Variants in DST observed in about 807,000 individuals in gnomAD.
DST encodes the protein dystonin, also known as bullous pemphigoid antigen.
Under a neutral mutation model 875.2 loss-of-function variants are expected in DST, and 253 were observed. The observed-to-expected ratio is 0.29, with a 90% CI of 0.26 to 0.32. DST has a LOEUF of 0.32. DST is among the 10% of genes least tolerant of loss of function. DST has a pLI of 1.00. For synonymous variants in DST, 3,124 were observed against 3,197.1 expected, an observed-to-expected ratio of 0.98 and a Z score of 0.77; for missense variants, 8,287 against 9,111.6, an observed-to-expected ratio of 0.91 and a Z score of 3.68.
chr6:56,935,419 T>C (rs145948044), intron 2 of DST, among the ~76,000 whole-genome samples: 1 of 152,266 alleles, frequency 6.6e-6, no homozygotes, highest in Non-Finnish European at 1.5e-5. Context: ...CTATTTAATG[T>C]TCTTTTAATG....
At position 56,631,218 on chromosome 6, in the gene DST, T is replaced by C. The variant is rs765835948; in HGVS notation, c.4135A>G (p.Ile1379Val). ...NQVYSMSSTY[I>V]DKLKTVNLVL... is the part of the protein sequence containing the mutation. ...GAGATAGCAGTTACATACTTATCTA[T>C]GTAAGTGGAAGACATAGAATAGACT... The change falls in exon 30 of 104, where the codon ATA becomes GTA. Residue 1379 changes from isoleucine (I) to valine (V), a missense_variant. Transcript: ENST00000680361. 9.9e-6 allele frequency: 16 copies of C among 1,609,104 alleles called. No homozygotes were observed. Among genetic ancestry groups the C allele is most frequent in the African/African-American group, 4.0e-5 (3 of 74,990 alleles).
chr6:56,614,575 A>T (rs1298860615), intron 36 of DST, 91 bp from the exon 37 acceptor site: 16 of 1,347,406 alleles, frequency 1.2e-5, no homozygotes, highest in African/African-American at 1.5e-5. Flanking sequence ...GAATGTAAAA[A>T]TTTTTTTTCA....
rs568128598 is a variant in DST at position 56,555,559 on chromosome 6, C to T, written c.14922G>A (p.Leu4974=). The change falls in exon 60 of 104, where the codon CTG becomes CTA. Residue 4974 remains leucine (L), a synonymous_variant. Transcript: ENST00000680361. Reference sequence around the variant, plus strand: ...TAGCATCAGGGTGCGTGCTCACAGCCAGACTGCTGCTGAGTTTATTATCCA... The same window carrying T: ...TAGCATCAGGGTGCGTGCTCACAGCTAGACTGCTGCTGAGTTTATTATCCA... ...SDLDNKLSSS[L]AVSTHPDAMN... 2.5e-6 allele frequency: 4 copies of T among 1,613,994 alleles called. No individual in the cohort carries two copies. In the African/African-American group the frequency reaches 5.3e-5, roughly 22 times the overall value.
chr6:56,525,370 T>G (rs1186903034), intron 69 of DST, among the ~76,000 whole-genome samples: 1 of 152,224 alleles, frequency 6.6e-6, no homozygotes, highest in Non-Finnish European at 1.5e-5. Flanking sequence ...AATGCCCTCC[T>G]TCACAAAAAT....
chr6:56,910,816 T>C (rs1340406068), intron 2 of DST, among the ~76,000 whole-genome samples: 3 of 152,192 alleles, frequency 2.0e-5, no homozygotes, highest in Non-Finnish European at 4.4e-5. Context: ...CTTTCACAGG[T>C]TAGTAATACA....
At position 56,487,126 on chromosome 6, in the gene DST, T is replaced by C; in HGVS notation, c.21025A>G (p.Ile7009Val). ...LSELRDKWDT[I>V]CGKSVERQNK... ...TACCTTTCCACAGATTTTCCACATA[T>C]GGTATCCCATTTGTCTCTGAGTTCA... Residue 7009 changes from isoleucine to valine, a missense_variant, in exon 87 of 104, where the codon ATA becomes GTA. Physicochemically the swap from Ile to Val is conservative, Grantham distance 29 (BLOSUM62 3). This residue lies in a region of DST where 1,292 missense variants were observed against 1,552.7 expected (regional missense o/e 0.83). Transcript: ENST00000680361. 1.2e-6 allele frequency: 2 copies of C among 1,613,960 alleles called. No individual in the cohort carries two copies. Among genetic ancestry groups the C allele is most frequent in the Non-Finnish European group, 1.7e-6 (2 of 1,179,858 alleles).
rs1247236201 is a variant in DST at position 56,511,386 on chromosome 6, C to G, written c.18591G>C (p.Leu6197Phe). ...QQEEHRQLRE[L>F]IAEHKPHIDK... ...CTATATGAGGCTTGTGTTCAGCTATCAACTCACGCAGTTGCTATAACAAAC... is the reference window on the plus strand; with the variant it reads ...CTATATGAGGCTTGTGTTCAGCTATGAACTCACGCAGTTGCTATAACAAAC... The change falls in exon 73 of 104, where the codon TTG (leucine) becomes TTC (phenylalanine). Residue 6197 changes from leucine to phenylalanine, a missense_variant. Coordinates refer to ENST00000680361, the MANE Select transcript of DST (RefSeq NM_001374736.1). 1 of 1,603,472 alleles carries G rather than the reference C, an allele frequency of 6.2e-7. No homozygotes were observed. The highest frequency in any genetic ancestry group is 1.3e-5 in the African/African-American group (1 of 74,800).
At chr6:56,651,071 G>A (rs1394940928) in intron 11 of DST, 39 bp from the exon 12 acceptor site, 1 of 1,584,860 alleles carries the variant, frequency 6.3e-7, no homozygotes, top group Non-Finnish European at 8.7e-7. Context: ...TCACAATGTT[G>A]ATAAATTACT....
chr6:56,759,721 A>C (rs2099612895), intron 4 of DST, among the ~76,000 whole-genome samples: 1 of 152,160 alleles, frequency 6.6e-6, no homozygotes, highest in South Asian at 2.1e-4. Context: ...AGATGCTGAC[A>C]CAGCCAAGGA....
chr6:56,722,368 GTTTATTTATTTATTTA>G (rs1554672067), intron 5 of DST, among the ~76,000 whole-genome samples: 1 of 150,596 alleles, frequency 6.6e-6, no homozygotes, highest in Non-Finnish European at 1.5e-5. Context: ...GTACATGTTT[GTTTATTTATTTATTTA>G]TTTATTTATT....
At chr6:56,951,411 C>T (rs1369194445) in intron 2 of DST, among the ~76,000 whole-genome samples, 1 of 152,146 alleles carries the variant, frequency 6.6e-6, no homozygotes, top group African/African-American at 2.4e-5. Flanking sequence ...TATTTTGCAG[C>T]AGCTACTACT....
At chr6:56,569,138 T>G (rs2097732178) in intron 54 of DST, among the ~76,000 whole-genome samples, 1 of 151,672 alleles carries the variant, frequency 6.6e-6, no homozygotes. Context: ...CTGGCTAACA[T>G]GATGAAACCC....
chr6:56,580,605 A>G (rs544991488), intron 49 of DST, among the ~76,000 whole-genome samples: 55 of 151,834 alleles, frequency 3.6e-4, no homozygotes, highest in African/African-American at 1.3e-3. Flanking sequence ...TAAATTTCAT[A>G]ATTACAGAAT....
At chr6:56,763,744 TG>T (rs886550523) in intron 4 of DST, among the ~76,000 whole-genome samples, 1 of 95,078 alleles carries the variant, frequency 1.1e-5, no homozygotes, top group African/African-American at 4.3e-5. Flanking sequence ...TGGGTGGGGG[TG>T]GGGGGGAGAA....
At chr6:56,587,749 C>T (rs2098187149) in intron 49 of DST, among the ~76,000 whole-genome samples, 1 of 151,970 alleles carries the variant, frequency 6.6e-6, no homozygotes, top group African/African-American at 2.4e-5. Flanking sequence ...AGAGTGGGGG[C>T]CAATATTCAA....
intron 55 of DST, among the ~76,000 whole-genome samples, chr6:56,567,696 C>A (rs557662506): frequency 6.6e-6 from 1 of 152,214 alleles, no homozygotes; most frequent in East Asian, 1.9e-4. Context: ...AAGGGCCCAG[C>A]TGGAACATCA....
At position 56,636,551 on chromosome 6, in the gene DST, A is replaced by G. The variant is rs531313667; in HGVS notation, c.3060+6T>C. ...ATCTATTGAAGTTATGATTCTACTC[A>G]CATACCTCGAAATACGCTGTGTTCT... is the stretch of plus-strand genomic sequence containing the variant. On this transcript the variant is annotated splice_donor_region_variant and intron_variant, in intron 23 of 103. Transcript: ENST00000680361. 1.9e-4 allele frequency: 307 copies of G among 1,610,142 alleles called. 1 individual carries two copies. The highest frequency in any genetic ancestry group is 2.6e-4 in the Non-Finnish European group (302 of 1,178,236).
intron 55 of DST, among the ~76,000 whole-genome samples, chr6:56,567,741 C>T (rs374817615): frequency 7.2e-5 from 11 of 152,178 alleles, no homozygotes; most frequent in Admixed American, 3.3e-4. Flanking sequence ...GCTGGTCAGA[C>T]TAGATACCCC....
chr6:56,555,151 A>G (rs935680964), intron 60 of DST, among the ~76,000 whole-genome samples, 194 bp downstream of exon 60: 5 of 152,168 alleles, frequency 3.3e-5, no homozygotes, highest in Non-Finnish European at 7.4e-5. Flanking sequence ...ATGTGTGTAG[A>G]ATGACCCTAA....
Sources: gnomAD v4.1 joint callset for allele counts (sites outside exome capture counted in the v4.1 genomes callset) on GRCh38, gnomAD v4.1.1 for gene constraint, gnomAD v4.1.1 regional missense constraint, MANE v1.5 for transcripts, NCBI Gene and HGNC (gene_info 2026-07-23, HGNC 2026-07-21) for gene names.